SMURF1: variants seen among roughly 807,000 people sequenced by gnomAD.
The protein encoded by SMURF1 is E3 ubiquitin-protein ligase SMURF1.
A neutral mutation model predicts 98.0 loss-of-function variants in SMURF1; 44 were observed. That is an observed-to-expected ratio of 0.45 (90% CI 0.35 to 0.58). SMURF1 has a LOEUF of 0.58. SMURF1 is among the 20% of genes least tolerant of loss of function. The pLI, the probability that SMURF1 is intolerant of heterozygous loss-of-function variation, is 0.00. For missense variants in SMURF1, 687 were observed against 938.4 expected (o/e 0.73, Z 3.50); for synonymous variants, 396 against 374.9 (o/e 1.06, Z -0.65).
chr7:99,070,553 CTTTTA>C (rs1796293310), intron 1 of SMURF1, among the ~76,000 whole-genome samples: 1 of 152,182 alleles, frequency 6.6e-6, no homozygotes, highest in South Asian at 2.1e-4. Flanking sequence ...AGTACTGTGT[CTTTTA>C]TTCTTAACCA....
At chr7:99,122,772 A>AT in intron 1 of SMURF1, among the ~76,000 whole-genome samples, 1 of 131,764 alleles carries the variant, frequency 7.6e-6, no homozygotes. Context: ...TTTTTTTTAC[A>AT]TAATTAAAAT....
chr7:99,130,742 GTTAT>G (rs1252758837), intron 1 of SMURF1, among the ~76,000 whole-genome samples: 3 of 152,174 alleles, frequency 2.0e-5, no homozygotes, highest in Admixed American at 6.5e-5. Flanking sequence ...GTATCATCTA[GTTAT>G]TTATTGATTG....
At chr7:99,040,291 A>ACACGCGCGCG in intron 13 of SMURF1, 87 bp downstream of exon 13, 1 of 1,255,006 alleles carries the variant, frequency 8.0e-7, no homozygotes. Flanking sequence ...AAATACACAC[A>ACACGCGCGCG]CACGCGCGCG....
Position 99,052,793 on chromosome 7 carries a change from C to T in SMURF1, c.480-347G>A, listed in dbSNP as rs1795791234. ...TTTAAAATCAAATCCAGGCCAGATG[C>T]GGTGGCTCACGCCTGTAATCCCAAC... On this transcript the variant is annotated intron_variant, in intron 6 of 17. Coordinates refer to ENST00000361368, the MANE Select transcript of SMURF1 (RefSeq NM_181349.3). Among the ~76,000 whole-genome samples the T allele has an allele frequency of 2.6e-5, 4 of 152,180 alleles. 1 individual carries two copies. The highest frequency in any genetic ancestry group is 4.1e-4 in the South Asian group (2 of 4,832).
intron 1 of SMURF1, among the ~76,000 whole-genome samples, chr7:99,110,453 C>T (rs1797293018): frequency 6.6e-6 from 1 of 152,170 alleles, no homozygotes; most frequent in African/African-American, 2.4e-5. Flanking sequence ...CAAGAGCTAG[C>T]TCACAGGAAA....
intron 1 of SMURF1, among the ~76,000 whole-genome samples, chr7:99,078,760 C>A (rs922998914): frequency 6.6e-6 from 1 of 152,242 alleles, no homozygotes; most frequent in Admixed American, 6.5e-5. Context: ...CTGTCACTGT[C>A]TCCCATCACC....
chr7:99,057,266 C>T lies in SMURF1; in HGVS notation c.342G>A (p.Gln114=), dbSNP rs754538267. 4 of 1,614,144 alleles carry T rather than the reference C, an allele frequency of 2.5e-6. No homozygotes were observed. The Admixed American group carries it at 6.7e-5, about 27-fold the overall frequency. ...GGTTTAGTTTGCATAGATCCAAACG[C>T]TGGTCTGTAAACAAACAATTCAAAA... ...AISRLKDTGY[Q]RLDLCKLNPS... is the part of the protein sequence containing the mutation. The change falls in exon 5 of 18, where the codon CAG becomes CAA. Residue 114 remains glutamine (Q), a synonymous_variant. Transcript: ENST00000361368.
intron 3 of SMURF1, among the ~76,000 whole-genome samples, chr7:99,058,037 G>A (rs1795927440): frequency 6.6e-6 from 1 of 152,158 alleles, no homozygotes; most frequent in Non-Finnish European, 1.5e-5. Context: ...CTGGGAAGAA[G>A]AACTACCTTG....
chr7:99,034,874 T>A (rs1243927165), intron 16 of SMURF1, among the ~76,000 whole-genome samples: 1 of 152,214 alleles, frequency 6.6e-6, no homozygotes, highest in Non-Finnish European at 1.5e-5. Flanking sequence ...GTTTACAATG[T>A]GTCTGTGTGT....
intron 6 of SMURF1, among the ~76,000 whole-genome samples, chr7:99,053,043 C>T (rs185089542): frequency 5.9e-5 from 9 of 152,212 alleles, no homozygotes; most frequent in South Asian, 2.1e-4. Flanking sequence ...GGTGACAGAG[C>T]GAGACTCCAT....
At chr7:99,071,700 A>C (rs535600131) in intron 1 of SMURF1, among the ~76,000 whole-genome samples, 2 of 152,210 alleles carry the variant, frequency 1.3e-5, no homozygotes, top group Non-Finnish European at 2.9e-5. Context: ...GTGTCTCATT[A>C]AAGTCTATCT....
chr7:99,100,306 G>A (rs934563787), intron 1 of SMURF1, among the ~76,000 whole-genome samples: 12 of 152,228 alleles, frequency 7.9e-5, no homozygotes, highest in African/African-American at 2.9e-4. Context: ...TGTAATCCTA[G>A]TACTTCGGGA....
At chr7:99,120,589 T>C (rs916447830) in intron 1 of SMURF1, 2 of 150,322 alleles carry the variant, frequency 1.3e-5, no homozygotes, top group Admixed American at 6.6e-5. Flanking sequence ...TGAGAGCCAG[T>C]CCTTCCTGCC....
chr7:99,037,067 C>T lies in SMURF1; in HGVS notation c.1809G>A (p.Glu603=). The T allele has an allele frequency of 6.2e-7, 1 of 1,613,782 alleles. No individual in the cohort carries two copies. Among genetic ancestry groups the T allele is most frequent in the South Asian group, 1.1e-5 (1 of 91,050 alleles). Residue 603 remains glutamate, a splice_region_variant and synonymous_variant, in exon 15 of 18, where the codon GAG becomes GAA. Coordinates refer to ENST00000361368, the MANE Select transcript of SMURF1 (RefSeq NM_181349.3). ...LLKPFDQKEL[E]LIIGGLDKID... ...TCGACTCCGCACAGCAGGCACATAC[C>T]TCCAGTTCCTTCTGGTCAAAAGGCT...
intron 1 of SMURF1, among the ~76,000 whole-genome samples, chr7:99,074,811 T>A (rs1377156477): frequency 6.6e-6 from 1 of 152,144 alleles, no homozygotes; most frequent in African/African-American, 2.4e-5. Context: ...GAGGATGACT[T>A]GTGTCCAGGT....
intron 1 of SMURF1, among the ~76,000 whole-genome samples, chr7:99,112,373 T>C (rs1018713130): frequency 2.6e-5 from 4 of 152,166 alleles, no homozygotes; most frequent in African/African-American, 9.7e-5. Flanking sequence ...AATAAATCTC[T>C]AGTGATTCAT....
chr7:99,125,062 TTCA>T (rs1797716291), intron 1 of SMURF1, among the ~76,000 whole-genome samples: 1 of 1,354 alleles, frequency 7.4e-4, no homozygotes, highest in Non-Finnish European at 6.6e-3. Context: ...AAAATTTTCA[TTCA>T]TTCATTCATT....
intron 1 of SMURF1, among the ~76,000 whole-genome samples, chr7:99,063,901 C>G (rs570548983): frequency 3.9e-5 from 6 of 151,938 alleles, no homozygotes; most frequent in Non-Finnish European, 7.4e-5. Context: ...CTCAACCTCC[C>G]TAGTAGCTAG....
intron 1 of SMURF1, among the ~76,000 whole-genome samples, chr7:99,085,022 G>A (rs370580505): frequency 1.3e-5 from 2 of 152,046 alleles, no homozygotes; most frequent in Non-Finnish European, 2.9e-5. Flanking sequence ...CATGTAAGAC[G>A]TGCCTGCTTC....
Sources: allele counts gnomAD v4.1 joint callset (sites outside exome capture counted in the v4.1 genomes callset), GRCh38; gene constraint gnomAD v4.1.1; transcripts MANE v1.5; gene names NCBI Gene and HGNC (gene_info 2026-07-23, HGNC 2026-07-21).